Variants in RIMS2 observed in about 807,000 individuals in gnomAD.
RIMS2 encodes regulating synaptic membrane exocytosis protein 2.
In RIMS2, 59 loss-of-function variants were observed where a neutral mutation model predicts 174.4. The observed-to-expected ratio is 0.34, with a 90% CI of 0.27 to 0.42. The LOEUF (loss-of-function observed/expected upper bound fraction) is 0.42. RIMS2 is among the 10% of genes least tolerant of loss of function. The probability of loss-of-function intolerance (pLI) is 1.00; values close to 1 mark genes in which losing one functional copy is unlikely to be tolerated. For missense variants in RIMS2, 1,620 were observed against 1,666.3 expected, an observed-to-expected ratio of 0.97 and a Z score of 0.48; for synonymous variants, 606 against 572.5, an observed-to-expected ratio of 1.06 and a Z score of -0.84.
intron 3 of RIMS2, among the ~76,000 whole-genome samples, chr8:103,782,354 G>A (rs2098399638): frequency 6.6e-6 from 1 of 150,792 alleles, no homozygotes; most frequent in African/African-American, 2.4e-5. Flanking sequence ...TGTCATATTT[G>A]TTTAGTCTGT....
At chr8:103,900,073 G>A (rs1374900959) in intron 4 of RIMS2, among the ~76,000 whole-genome samples, 3 of 151,540 alleles carry the variant, frequency 2.0e-5, no homozygotes, top group Admixed American at 6.6e-5. Flanking sequence ...TGTTCCATTG[G>A]TCTATATCTC....
intron 1 of RIMS2, among the ~76,000 whole-genome samples, chr8:103,645,367 T>C (rs1051970332): frequency 1.3e-5 from 2 of 152,158 alleles, no homozygotes; most frequent in Non-Finnish European, 2.9e-5. Context: ...TAGATACCAA[T>C]TATATTTGTT....
chr8:103,555,719 C>T (rs1476302610), intron 1 of RIMS2, among the ~76,000 whole-genome samples: 4 of 151,422 alleles, frequency 2.6e-5, no homozygotes, highest in Non-Finnish European at 5.9e-5. Context: ...ATCACTTGAG[C>T]CCAGGAATTT....
intron 17 of RIMS2, among the ~76,000 whole-genome samples, chr8:104,012,329 A>G (rs1011851388): frequency 6.6e-6 from 1 of 151,080 alleles, no homozygotes; most frequent in Non-Finnish European, 1.5e-5. Context: ...AATTCATGAC[A>G]TTTGGGAAAT....
chr8:103,506,273 A>G (rs7341681), intron 1 of RIMS2, among the ~76,000 whole-genome samples: 10,025 of 152,182 alleles, frequency 0.066, 1,092 homozygotes, highest in African/African-American at 0.23. Flanking sequence ...CTATTTTGAA[A>G]TAAGGGCAAT....
At chr8:104,204,676 C>T (rs1415556410) in intron 19 of RIMS2, among the ~76,000 whole-genome samples, 1 of 152,102 alleles carries the variant, frequency 6.6e-6, no homozygotes, top group African/African-American at 2.4e-5. Flanking sequence ...TTTAGCAAAT[C>T]TATGAGTGTG....
At chr8:104,091,679 A>T (rs564972984) in intron 19 of RIMS2, among the ~76,000 whole-genome samples, 74 of 150,660 alleles carry the variant, frequency 4.9e-4, no homozygotes, top group Non-Finnish European at 8.7e-4. Flanking sequence ...CAGATATAAC[A>T]TGGTTAATGT....
At chr8:103,663,937 T>C (rs1011802916) in intron 1 of RIMS2, among the ~76,000 whole-genome samples, 1 of 152,202 alleles carries the variant, frequency 6.6e-6, no homozygotes, top group African/African-American at 2.4e-5. Flanking sequence ...AAAACAGTTA[T>C]GTAGACCAAT....
chr8:103,907,621 T>C (rs981249116), intron 4 of RIMS2, among the ~76,000 whole-genome samples: 7 of 152,074 alleles, frequency 4.6e-5, no homozygotes, highest in Admixed American at 6.5e-5. Flanking sequence ...ATTCTCTTCA[T>C]ACCTTATTTT....
intron 4 of RIMS2, among the ~76,000 whole-genome samples, chr8:103,898,422 G>A (rs1014026194): frequency 6.6e-6 from 1 of 151,634 alleles, no homozygotes; most frequent in African/African-American, 2.4e-5. Context: ...TACCAGTTCA[G>A]TGTCTGCATA....
At chr8:103,821,604 A>G (rs1033468265) in intron 3 of RIMS2, among the ~76,000 whole-genome samples, 1 of 151,782 alleles carries the variant, frequency 6.6e-6, no homozygotes, top group Non-Finnish European at 1.5e-5. Context: ...GAGTGAAAAA[A>G]TAAGTATATG....
chr8:104,104,669 G>C (rs1267716591), intron 19 of RIMS2, among the ~76,000 whole-genome samples: 1 of 152,148 alleles, frequency 6.6e-6, no homozygotes, highest in Non-Finnish European at 1.5e-5. Context: ...ACTTTGGAAG[G>C]CCAAGGCAGT....
At chr8:104,246,342 A>T (rs1024656626) in intron 20 of RIMS2, among the ~76,000 whole-genome samples, 1 of 150,824 alleles carries the variant, frequency 6.6e-6, no homozygotes, top group Non-Finnish European at 1.5e-5. Context: ...TTTCCTTTTT[A>T]TTTTTTTTGT....
chr8:103,662,097 T>TA (rs1299389087), intron 1 of RIMS2, among the ~76,000 whole-genome samples: 1 of 152,188 alleles, frequency 6.6e-6, no homozygotes, highest in Admixed American at 6.5e-5. Context: ...GCTGATGAGC[T>TA]AAAAAAAGTT....
chr8:103,883,239 G>C (rs1213493267), intron 3 of RIMS2, among the ~76,000 whole-genome samples: 1 of 151,636 alleles, frequency 6.6e-6, no homozygotes, highest in Non-Finnish European at 1.5e-5. Flanking sequence ...TCAATTTAAA[G>C]CACAAACTCC....
intron 19 of RIMS2, 107 bp downstream of exon 24, chr8:104,093,750 A>T: frequency 1.2e-6 from 1 of 859,900 alleles, no homozygotes; most frequent in Non-Finnish European, 1.7e-6. Flanking sequence ...TATATATTTT[A>T]AAGCCAGGGG....
At chr8:103,666,017 A>G (rs1223905532) in intron 1 of RIMS2, among the ~76,000 whole-genome samples, 1 of 152,162 alleles carries the variant, frequency 6.6e-6, no homozygotes, top group African/African-American at 2.4e-5. Context: ...ACTTCAGACA[A>G]ATTAAATTTA....
intron 17 of RIMS2, among the ~76,000 whole-genome samples, chr8:104,007,922 A>T: frequency 6.6e-6 from 1 of 152,182 alleles, no homozygotes; most frequent in East Asian, 1.9e-4. Flanking sequence ...AGCAGGCAAC[A>T]GTGCATATGA....
chr8:103,570,986 G>A (rs1394669804), intron 1 of RIMS2, among the ~76,000 whole-genome samples: 2 of 152,046 alleles, frequency 1.3e-5, no homozygotes, highest in African/African-American at 2.4e-5. Context: ...AGCCTTCTTT[G>A]ACTGTTCTTG....
Sources: allele counts gnomAD v4.1 joint callset (sites outside exome capture counted in the v4.1 genomes callset), GRCh38; gene constraint gnomAD v4.1.1; transcripts MANE v1.5; gene names NCBI Gene and HGNC (gene_info 2026-07-23, HGNC 2026-07-21).